NEGR1: variants seen among roughly 807,000 people sequenced by gnomAD.
NEGR1 encodes the protein IgLON family member 4.
A neutral mutation model predicts 40.9 loss-of-function variants in NEGR1; 10 were observed. That is an observed-to-expected ratio of 0.24 (90% confidence interval 0.15 to 0.42). The LOEUF is 0.42. Ranked by LOEUF, NEGR1 falls within the 10% of genes least tolerant of loss-of-function variation. The probability of loss-of-function intolerance (pLI) is 1.00; values close to 1 mark genes in which losing one functional copy is unlikely to be tolerated. For synonymous variants in NEGR1, 185 were observed against 166.8 expected (o/e 1.11, Z -0.84); for missense variants, 352 against 438.9 (o/e 0.80, Z 1.77).
chr1:72,270,755 C>T (rs1280032127), intron 1 of NEGR1, among the ~76,000 whole-genome samples: 1 of 151,778 alleles, frequency 6.6e-6, no homozygotes, highest in East Asian at 1.9e-4. Flanking sequence ...TGATCTCTCA[C>T]TTCAAGTAAG....
chr1:72,186,776 T>A (rs79343522), intron 1 of NEGR1, among the ~76,000 whole-genome samples: 2 of 151,768 alleles, frequency 1.3e-5, no homozygotes, highest in East Asian at 3.9e-4. Context: ...TAAATTCTCA[T>A]AGAGTACTTT....
chr1:71,876,549 G>T (rs890302053), intron 2 of NEGR1, among the ~76,000 whole-genome samples: 1 of 150,746 alleles, frequency 6.6e-6, no homozygotes, highest in Non-Finnish European at 1.5e-5. Context: ...GAGACAGAGA[G>T]AGAGGAGAAG....
intron 5 of NEGR1, among the ~76,000 whole-genome samples, chr1:71,600,452 C>T (rs1570090026): frequency 6.6e-6 from 1 of 152,082 alleles, no homozygotes; most frequent in South Asian, 2.1e-4. Flanking sequence ...GAAAAAATCT[C>T]GTTGTGGTAG....
At chr1:71,545,123 A>G (rs1384908333) in intron 6 of NEGR1, among the ~76,000 whole-genome samples, 1 of 151,618 alleles carries the variant, frequency 6.6e-6, no homozygotes, top group African/African-American at 2.4e-5. Flanking sequence ...AAAAACAACA[A>G]CAAAAAAATG....
intron 6 of NEGR1, among the ~76,000 whole-genome samples, chr1:71,534,562 T>G (rs1030188209): frequency 6.6e-6 from 1 of 151,698 alleles, no homozygotes; most frequent in Non-Finnish European, 1.5e-5. Context: ...CATAACAAGC[T>G]ACAATTAAAA....
rs188133980 is a variant in NEGR1 at position 72,231,152 on chromosome 1, T to C, written c.176+51167A>G. Among the ~76,000 whole-genome samples the C allele has an allele frequency of 1.3e-3, 195 of 152,294 alleles. 2 individuals carry two copies. Among genetic ancestry groups the C allele is most frequent in the Admixed American group, 0.012 (176 of 15,272 alleles). On this transcript the variant is annotated intron_variant, in intron 1 of 6. Transcript: ENST00000357731. The stretch of plus-strand genomic sequence containing the variant: ...GGAAGAAAGTGATAGATTGTCACTG[T>C]ACTTTTACTCGTTTCACATCAACTC...
intron 6 of NEGR1, among the ~76,000 whole-genome samples, chr1:71,438,723 A>G (rs1418644130): frequency 6.6e-6 from 1 of 152,242 alleles, no homozygotes; most frequent in African/African-American, 2.4e-5. Context: ...AAAGAAGCCT[A>G]GTAATCTTAC....
chr1:72,002,356 G>A (rs908820413), intron 1 of NEGR1, among the ~76,000 whole-genome samples: 2 of 151,890 alleles, frequency 1.3e-5, no homozygotes, highest in Non-Finnish European at 2.9e-5. Flanking sequence ...GTATAGCAAG[G>A]TGCCTTTTCT....
chr1:71,677,591 C>A (rs1033968350), intron 4 of NEGR1, among the ~76,000 whole-genome samples: 1 of 152,034 alleles, frequency 6.6e-6, no homozygotes, highest in African/African-American at 2.4e-5. Flanking sequence ...TCCACATGAG[C>A]CCATTTGGAG....
At chr1:71,720,548 A>T (rs2101652745) in intron 3 of NEGR1, among the ~76,000 whole-genome samples, 1 of 152,266 alleles carries the variant, frequency 6.6e-6, no homozygotes, top group South Asian at 2.1e-4. Flanking sequence ...TCAAACGGAG[A>T]AGTAACACAT....
At chr1:71,485,342 T>C (rs896152853) in intron 6 of NEGR1, among the ~76,000 whole-genome samples, 2 of 151,548 alleles carry the variant, frequency 1.3e-5, no homozygotes, top group African/African-American at 4.8e-5. Context: ...GAACTTCCCA[T>C]ATACCCCCTT....
At chr1:71,743,814 G>T (rs1655293995) in intron 3 of NEGR1, among the ~76,000 whole-genome samples, 2 of 152,084 alleles carry the variant, frequency 1.3e-5, no homozygotes, top group Admixed American at 6.5e-5. Context: ...TTGGTACTTA[G>T]GTCTTATGTA....
chr1:71,746,727 CACAT>C (rs922820466), intron 3 of NEGR1, among the ~76,000 whole-genome samples: 1 of 147,842 alleles, frequency 6.8e-6, no homozygotes, highest in Non-Finnish European at 1.5e-5. Context: ...CGTATACACA[CACAT>C]ACACACACAT....
At chr1:71,965,440 C>T (rs1180477277) in intron 1 of NEGR1, among the ~76,000 whole-genome samples, 1 of 152,156 alleles carries the variant, frequency 6.6e-6, no homozygotes, top group Non-Finnish European at 1.5e-5. Context: ...AAGCATGCTT[C>T]ATAGTCTATG....
At chr1:71,530,297 G>A (rs1647313645) in intron 6 of NEGR1, among the ~76,000 whole-genome samples, 2 of 151,246 alleles carry the variant, frequency 1.3e-5, no homozygotes, top group African/African-American at 4.8e-5. Flanking sequence ...GGAACTTTTA[G>A]TAGTTTGATT....
intron 1 of NEGR1, among the ~76,000 whole-genome samples, chr1:72,017,085 C>T (rs1646717574): frequency 6.6e-6 from 1 of 150,846 alleles, no homozygotes; most frequent in Non-Finnish European, 1.5e-5. Context: ...CATACATATA[C>T]AAATAATATA....
chr1:71,413,490 C>T (rs1569843264), intron 6 of NEGR1, among the ~76,000 whole-genome samples: 1 of 152,266 alleles, frequency 6.6e-6, no homozygotes, highest in East Asian at 1.9e-4. Context: ...TATTAATTCT[C>T]TATATTTTCT....
intron 1 of NEGR1, among the ~76,000 whole-genome samples, chr1:72,197,285 G>A (rs1653035662): frequency 6.6e-6 from 1 of 151,956 alleles, no homozygotes; most frequent in East Asian, 1.9e-4. Context: ...TCGGAACACT[G>A]CTTAGATGCC....
intron 1 of NEGR1, among the ~76,000 whole-genome samples, chr1:72,079,570 G>C (rs935846993): frequency 6.6e-6 from 1 of 151,812 alleles, no homozygotes; most frequent in Non-Finnish European, 1.5e-5. Flanking sequence ...AACATGACAA[G>C]TAAAACAATA....
Sources: allele counts gnomAD v4.1 joint callset (sites outside exome capture counted in the v4.1 genomes callset), GRCh38; gene constraint gnomAD v4.1.1; transcripts MANE v1.5; gene names NCBI Gene and HGNC (gene_info 2026-07-23, HGNC 2026-07-21).